MPPED1: variants seen among roughly 807,000 people sequenced by gnomAD.
MPPED1 encodes the protein metallophosphoesterase domain-containing protein 1.
Under a neutral mutation model 36.2 loss-of-function variants are expected in MPPED1, and 16 were observed. The observed-to-expected ratio is 0.44, with a 90% confidence interval of 0.30 to 0.67. MPPED1 has a LOEUF of 0.67. Ranked by LOEUF, MPPED1 falls within the 30% of genes least tolerant of loss-of-function variation. MPPED1 has a pLI of 0.10. For synonymous variants in MPPED1, 199 were observed against 191.3 expected (o/e 1.04, Z -0.33); for missense variants, 307 against 453.4 (o/e 0.68, Z 2.93).
At chr22:43,431,457 A>T (rs552517968) in intron 2 of MPPED1, among the ~76,000 whole-genome samples, 5 of 152,110 alleles carry the variant, frequency 3.3e-5, no homozygotes, top group Non-Finnish European at 5.9e-5. Flanking sequence ...ATGTATCCTT[A>T]TACCAAGCAG....
intron 1 of MPPED1, among the ~76,000 whole-genome samples, chr22:43,420,825 C>G (rs1929245700): frequency 6.6e-6 from 1 of 152,228 alleles, no homozygotes; most frequent in African/African-American, 2.4e-5. Context: ...TTATTGTCCC[C>G]CCTCCACCCC....
chr22:43,445,558 C>CTTTTTTT (rs135055), intron 3 of MPPED1, among the ~76,000 whole-genome samples: 6 of 123,908 alleles, frequency 4.8e-5, no homozygotes, highest in African/African-American at 1.9e-4. Flanking sequence ...CTGATGTTTC[C>CTTTTTTT]TTTTTTTTTT....
chr22:43,461,297 TA>T (rs1187549339), intron 3 of MPPED1, among the ~76,000 whole-genome samples: 1 of 152,178 alleles, frequency 6.6e-6, no homozygotes, highest in Non-Finnish European at 1.5e-5. Flanking sequence ...CTGTGACTGC[TA>T]GGCTGGTAGT....
intron 1 of MPPED1, among the ~76,000 whole-genome samples, chr22:43,415,769 C>T (rs985361489): frequency 6.6e-6 from 1 of 152,190 alleles, no homozygotes; most frequent in Non-Finnish European, 1.5e-5. Flanking sequence ...TTTCCACCAC[C>T]CCAATCTACA....
chr22:43,412,182 G>A (rs1682675507), intron 1 of MPPED1, 24 bp downstream of exon 1: 1 of 976,776 alleles, frequency 1.0e-6, no homozygotes, highest in South Asian at 4.6e-5. Flanking sequence ...CGGGCGGGGC[G>A]CGGCGGGCGC....
intron 4 of MPPED1, among the ~76,000 whole-genome samples, chr22:43,479,616 C>G (rs1046693552): frequency 2.0e-5 from 3 of 152,226 alleles, no homozygotes; most frequent in African/African-American, 7.2e-5. Flanking sequence ...TAGTGCCCTT[C>G]CAGCCCCTTC....
intron 5 of MPPED1, 95 bp downstream of exon 5, chr22:43,498,445 C>G: frequency 1.1e-6 from 1 of 943,916 alleles, no homozygotes; most frequent in Admixed American, 2.7e-5. Flanking sequence ...TAGGGGAGCC[C>G]TGGAGGGGTT....
rs866654917 is a variant in MPPED1 at position 43,425,273 on chromosome 22, T to A, written c.224+64T>A. On this transcript the variant is annotated intron_variant, in intron 2 of 6. Transcript: ENST00000443721. The stretch of plus-strand genomic sequence containing the variant: ...GGCCCCCTGGGGTGGGTGCATGGTC[T>A]CGGGTGCCTCCTGGTTCTGGGGGCA... 4.6e-4 allele frequency: 684 copies of A among 1,476,578 alleles called. 3 individuals are homozygous for A. Among genetic ancestry groups the A allele is most frequent in the Admixed American group, 6.7e-4 (28 of 41,928 alleles). The allele number at this position is 1,476,578 out of a possible 1,614,324, so 91.5% of individuals were successfully genotyped here.
At chr22:43,456,527 C>T (rs1367419511) in intron 3 of MPPED1, among the ~76,000 whole-genome samples, 2 of 152,190 alleles carry the variant, frequency 1.3e-5, no homozygotes, top group African/African-American at 2.4e-5. Context: ...CAGTGTCTTG[C>T]TCTGTCACCC....
chr22:43,500,274 G>GTGGTGA (rs1932660759), intron 5 of MPPED1, among the ~76,000 whole-genome samples: 5 of 107,202 alleles, frequency 4.7e-5, no homozygotes, highest in Admixed American at 1.8e-4. Context: ...GGTGATGGAG[G>GTGGTGA]TGGCGGTGGT....
At chr22:43,441,790 T>C (rs1471508141) in intron 3 of MPPED1, among the ~76,000 whole-genome samples, 1 of 152,182 alleles carries the variant, frequency 6.6e-6, no homozygotes, top group Non-Finnish European at 1.5e-5. Flanking sequence ...AAATGGAGAA[T>C]TTACGTCAAG....
intron 4 of MPPED1, among the ~76,000 whole-genome samples, chr22:43,477,398 C>T (rs1419432026): frequency 6.6e-6 from 1 of 152,188 alleles, no homozygotes; most frequent in Non-Finnish European, 1.5e-5. Flanking sequence ...AGTTTCCAAC[C>T]GGGGTGAGCA....
chr22:43,423,030 T>A (rs200175349), intron 1 of MPPED1, among the ~76,000 whole-genome samples: 1 of 151,668 alleles, frequency 6.6e-6, no homozygotes. Context: ...GGAGAGGGGG[T>A]TTCACTATGT....
chr22:43,464,770 T>C (rs1426264602), intron 3 of MPPED1, among the ~76,000 whole-genome samples: 1 of 152,150 alleles, frequency 6.6e-6, no homozygotes, highest in East Asian at 1.9e-4. Context: ...TCTTACCCAC[T>C]CCCAGGACTT....
chr22:43,462,319 C>T (rs565068035), intron 3 of MPPED1, among the ~76,000 whole-genome samples: 1 of 152,342 alleles, frequency 6.6e-6, no homozygotes, highest in Non-Finnish European at 1.5e-5. Flanking sequence ...CAGAGTGCTA[C>T]AGGGCTTATG....
At chr22:43,457,043 C>T (rs1242686633) in intron 3 of MPPED1, among the ~76,000 whole-genome samples, 1 of 152,100 alleles carries the variant, frequency 6.6e-6, no homozygotes, top group Non-Finnish European at 1.5e-5. Flanking sequence ...GATTTTGAGC[C>T]TATATTCAGA....
At chr22:43,503,430 G>A (rs896909966) in intron 6 of MPPED1, among the ~76,000 whole-genome samples, 1 of 152,214 alleles carries the variant, frequency 6.6e-6, no homozygotes, top group African/African-American at 2.4e-5. Flanking sequence ...ATTGGCTGCT[G>A]TGGGATGTCT....
At chr22:43,491,620 T>C (rs898954527) in intron 4 of MPPED1, among the ~76,000 whole-genome samples, 5 of 149,068 alleles carry the variant, frequency 3.4e-5, no homozygotes, top group African/African-American at 1.0e-4. Context: ...GTGATGGAGG[T>C]GGTGGTGATG....
intron 3 of MPPED1, among the ~76,000 whole-genome samples, chr22:43,468,865 T>G (rs1246544775): frequency 6.6e-6 from 1 of 152,166 alleles, no homozygotes; most frequent in Admixed American, 6.5e-5. Flanking sequence ...GATGCTTAGC[T>G]TCCGTTGGGT....
Sources: gnomAD v4.1 joint callset for allele counts (sites outside exome capture counted in the v4.1 genomes callset) on GRCh38, gnomAD v4.1.1 for gene constraint, MANE v1.5 for transcripts, NCBI Gene and HGNC (gene_info 2026-07-23, HGNC 2026-07-21) for gene names.